Variants in MFSD6 observed in about 807,000 individuals in gnomAD.
The protein encoded by MFSD6 is major facilitator superfamily domain containing 6.
Under a neutral mutation model 56.3 loss-of-function variants are expected in MFSD6, and 26 were observed. The observed-to-expected ratio is 0.46, with a 90% CI of 0.34 to 0.64. The LOEUF is 0.64. Among genes scored for constraint, MFSD6 ranks in the 30% least tolerant of loss-of-function variants. The pLI is 0.01. For synonymous variants in MFSD6, 331 were observed against 366.9 expected, an observed-to-expected ratio of 0.90 and a Z score of 1.12; for missense variants, 750 against 986.2, an observed-to-expected ratio of 0.76 and a Z score of 3.21.
At chr2:190,482,054 A>G (rs1688704848) in intron 4 of MFSD6, among the ~76,000 whole-genome samples, 1 of 134,696 alleles carries the variant, frequency 7.4e-6, no homozygotes, top group Non-Finnish European at 1.6e-5. Context: ...AAAAGCAGAA[A>G]TGATAGGAGG....
Position 190,463,387 on chromosome 2 carries a change from C to CA in MFSD6, c.1533-6370dup, listed in dbSNP as rs762860856. 1.6e-4 allele frequency among the ~76,000 whole-genome samples: 25 copies of CA among 152,228 alleles called. No individual in the cohort carries two copies. Among genetic ancestry groups the CA allele is most frequent in the East Asian group, 1.2e-3 (6 of 5,184 alleles). ...AGCTTCATTCCTGGGGAGGAGGGCA[C>CA]ATCAAGTGCTTGTGCTGAGCACAGG... On this transcript the variant is annotated intron_variant, in intron 3 of 7. Coordinates refer to ENST00000392328, the MANE Select transcript of MFSD6 (RefSeq NM_017694.4). The surrounding 1 kb of genome is among the most constrained non-coding windows in gnomAD (Gnocchi z 4.4).
Position 190,469,933 on chromosome 2 carries a change from C to A in MFSD6, c.1630+78C>A. 1 of 1,003,258 alleles carries A rather than the reference C, an allele frequency of 1.0e-6. No individual in the cohort carries two copies. The highest frequency in any genetic ancestry group is 1.5e-6 in the Non-Finnish European group (1 of 660,946). The allele number at this position is 1,003,258 out of a possible 1,614,324, so 62.1% of individuals were successfully genotyped here. A position where few individuals can be genotyped will look rare whatever the true frequency, so the allele number is the denominator to read the frequency against. ...CTAAAAGCCCAGTGGCCTTCAGCAT[C>A]TGATTCTATAAAGGAAGGGCAGGCC... On this transcript the variant is annotated intron_variant, in intron 4 of 7. Transcript: ENST00000392328. The surrounding 1 kb of genome is among the most constrained non-coding windows in gnomAD (Gnocchi z 5.3).
intron 1 of MFSD6, among the ~76,000 whole-genome samples, chr2:190,414,202 GTGC>G (rs1224643847): frequency 1.3e-5 from 2 of 152,076 alleles, no homozygotes; most frequent in African/African-American, 4.8e-5. Flanking sequence ...GGGTTGGTAG[GTGC>G]TGCAAACCAC....
At chr2:190,441,421 T>A (rs1383097214) in intron 3 of MFSD6, among the ~76,000 whole-genome samples, 1 of 147,408 alleles carries the variant, frequency 6.8e-6, no homozygotes, top group Non-Finnish European at 1.5e-5. Flanking sequence ...CAGCCAAGGT[T>A]GAGAACCACC....
At chr2:190,442,739 G>A (rs999089054) in intron 3 of MFSD6, 1 of 152,142 alleles carries the variant, frequency 6.6e-6, no homozygotes, top group Non-Finnish European at 1.5e-5. Context: ...GGGTGGGGGT[G>A]TGATTGTTTG....
chr2:190,441,494 G>A (rs1686376336), intron 3 of MFSD6, among the ~76,000 whole-genome samples: 1 of 151,958 alleles, frequency 6.6e-6, no homozygotes, highest in Admixed American at 6.6e-5. Context: ...GGGGGTTGGG[G>A]GGAAAGCAGG....
rs143705307 is a variant in MFSD6 at position 190,461,701 on chromosome 2, A to T, written c.1533-8057A>T. ...CAGCTCCCTCACACCTCTTTTACCC[A>T]CTCATGAGGGCTCCACTCTCATGAC... On this transcript the variant is annotated intron_variant, in intron 3 of 7. Coordinates refer to ENST00000392328, the MANE Select transcript of MFSD6 (RefSeq NM_017694.4). This position sits in a 1 kb window ranked among gnomAD's most constrained non-coding sequence, Gnocchi z 5.5. Among the ~76,000 whole-genome samples, 22 of 152,210 alleles carry T rather than the reference A, an allele frequency of 1.4e-4. No homozygotes were observed. The highest frequency in any genetic ancestry group is 6.8e-3 in the Middle Eastern group (2 of 294).
At chr2:190,408,198 C>T (rs1008330075), upstream of MFSD6, among the ~76,000 whole-genome samples, 6 of 151,888 alleles carry the variant, frequency 4.0e-5, no homozygotes, top group South Asian at 2.1e-4. Flanking sequence ...CGGTAGTGAC[C>T]GGCGGCGGCG....
At chr2:190,479,264 A>C (rs979511967) in intron 4 of MFSD6, among the ~76,000 whole-genome samples, 4 of 152,208 alleles carry the variant, frequency 2.6e-5, no homozygotes, top group Admixed American at 2.0e-4. Flanking sequence ...TCTTGCAGCT[A>C]TATCTTTTTA....
rs1240464564 is a variant in MFSD6 at position 190,425,556 on chromosome 2, T to G, written c.-54+10143T>G. ...TACCTCAGAACCTATTTTCTGAGAC[T>G]TTTTCAAATGTTTATTTTATCAAGT... On this transcript the variant is annotated intron_variant, in intron 2 of 7. Coordinates refer to ENST00000392328, the MANE Select transcript of MFSD6 (RefSeq NM_017694.4). The surrounding 1 kb of genome is among the most constrained non-coding windows in gnomAD (Gnocchi z 4.3). Among the ~76,000 whole-genome samples, 3 of 152,200 alleles carry G rather than the reference T, an allele frequency of 2.0e-5. No homozygotes were observed. Among genetic ancestry groups the G allele is most frequent in the Admixed American group, 6.5e-5 (1 of 15,284 alleles).
intron 3 of MFSD6, among the ~76,000 whole-genome samples, chr2:190,444,458 C>A (rs1178588729): frequency 6.6e-6 from 1 of 152,194 alleles, no homozygotes; most frequent in African/African-American, 2.4e-5. Context: ...TAAATGAGTG[C>A]TCTGTAGCAG....
intron 1 of MFSD6, chr2:190,411,807 C>G (rs1690577152): frequency 1.0e-6 from 1 of 985,232 alleles, no homozygotes; most frequent in Non-Finnish European, 1.2e-6. Context: ...TATTCTACAA[C>G]TCCTCAGTTT....
At chr2:190,466,669 C>T (rs1687622087) in intron 3 of MFSD6, among the ~76,000 whole-genome samples, 1 of 152,040 alleles carries the variant, frequency 6.6e-6, no homozygotes, top group South Asian at 2.1e-4. Context: ...TGTTTTTATC[C>T]CCACTTGATA....
At position 190,430,894 on chromosome 2, in the gene MFSD6, C is replaced by T. The variant is rs1230382930; in HGVS notation, c.-53-5083C>T. Among the ~76,000 whole-genome samples the T allele has an allele frequency of 3.8e-5, 4 of 105,492 alleles. No individual in the cohort carries two copies. In the East Asian group the frequency reaches 1.4e-3, roughly 37 times the overall value. The allele number at this position is 105,492 out of a possible 152,430, so 69.2% of individuals were successfully genotyped here. On this transcript the variant is annotated intron_variant, in intron 2 of 7. Coordinates refer to ENST00000392328, the MANE Select transcript of MFSD6 (RefSeq NM_017694.4). Reference sequence around the variant, plus strand: ...GGGGCGGCTGCCGGGCGGAGACGCTCCTCACTTCCCAGATGGGGTGGCTGC... The same window carrying T: ...GGGGCGGCTGCCGGGCGGAGACGCTTCTCACTTCCCAGATGGGGTGGCTGC...
chr2:190,414,121 G>T (rs1024124141), intron 1 of MFSD6, among the ~76,000 whole-genome samples: 2 of 152,022 alleles, frequency 1.3e-5, no homozygotes, highest in South Asian at 2.1e-4. Context: ...TGTCTGGGGG[G>T]TTGGGTGGCA....
intron 4 of MFSD6, among the ~76,000 whole-genome samples, chr2:190,484,099 T>C (rs1688871428): frequency 6.6e-6 from 1 of 152,144 alleles, no homozygotes; most frequent in African/African-American, 2.4e-5. Context: ...TTTAAGCACC[T>C]GTTATGTGAG....
chr2:190,437,166 G>A lies in MFSD6; in HGVS notation c.1137G>A (p.Met379Ile), dbSNP rs756372114. 3.1e-6 allele frequency: 5 copies of A among 1,614,210 alleles called. No homozygotes were observed. In the South Asian group the frequency reaches 4.4e-5, roughly 14 times the overall value. ...QIVFIVFGVLMTMALIVATQF... is the reference protein window; with the variant it reads ...QIVFIVFGVLITMALIVATQF... Reference sequence around the variant, plus strand: ...TCTTCATCGTCTTCGGCGTTCTCATGACCATGGCCTTGATCGTTGCCACTC... The same window carrying A: ...TCTTCATCGTCTTCGGCGTTCTCATAACCATGGCCTTGATCGTTGCCACTC... Residue 379 changes from methionine (M) to isoleucine (I), a missense_variant, in exon 3 of 8, where the codon ATG becomes ATA. Transcript: ENST00000392328. The surrounding 1 kb of genome is among the most constrained non-coding windows in gnomAD (Gnocchi z 5.9).
In MFSD6 at chr2:190,457,497, A is replaced by G. The variant is rs1166050952; in HGVS notation, c.1533-12261A>G. On this transcript the variant is annotated intron_variant, in intron 3 of 7. Transcript: ENST00000392328. This position sits in a 1 kb window ranked among gnomAD's most constrained non-coding sequence, Gnocchi z 5.1. ...AGCCATTCAAACAGACCATCTAGCC[A>G]GTGATAGGGGATGTGTTTTATGATA... Among the ~76,000 whole-genome samples the G allele has an allele frequency of 6.6e-6, 1 of 152,182 alleles. No individual in the cohort carries two copies. The highest frequency in any genetic ancestry group is 1.5e-5 in the Non-Finnish European group (1 of 68,036).
rs1192004069 is a variant in MFSD6 at position 190,497,756 on chromosome 2, C to T, written c.2172+37C>T. ...TTGCTGGGCTAGCAATATTACCTGT[C>T]ACTCAAGATACCTTAACTGGGCTCA... is the stretch of plus-strand genomic sequence containing the variant. On this transcript the variant is annotated intron_variant, in intron 7 of 7. Transcript: ENST00000392328. The surrounding 1 kb of genome is among the most constrained non-coding windows in gnomAD (Gnocchi z 5.2). 2 of 1,579,684 alleles carry T rather than the reference C, an allele frequency of 1.3e-6. No homozygotes were observed. Among genetic ancestry groups the T allele is most frequent in the South Asian group, 1.1e-5 (1 of 88,062 alleles).
Sources: gnomAD v4.1 joint callset for allele counts (sites outside exome capture counted in the v4.1 genomes callset) on GRCh38, gnomAD v4.1.1 for gene constraint, Gnocchi (gnomAD v3.1) non-coding constraint, MANE v1.5 for transcripts, NCBI Gene and HGNC (gene_info 2026-07-23, HGNC 2026-07-21) for gene names.